Variants in MS4A4A observed in about 807,000 individuals in gnomAD.
The protein encoded by MS4A4A is membrane-spanning 4-domains subfamily A member 4A.
MS4A4A carries 26 observed loss-of-function variants against 28.0 expected under a neutral mutation model. The observed-to-expected ratio is 0.93, with a 90% CI of 0.68 to 1.29. The LOEUF (loss-of-function observed/expected upper bound fraction) is 1.29, where lower values mean the gene tolerates loss of function less well. Ranked by LOEUF, MS4A4A falls within the 50% of genes most tolerant of loss-of-function variation. The probability of loss-of-function intolerance (pLI) is 0.00; values close to 1 mark genes in which losing one functional copy is unlikely to be tolerated. For missense variants in MS4A4A, 290 were observed against 293.1 expected, an observed-to-expected ratio of 0.99 and a Z score of 0.08; for synonymous variants, 86 against 100.8, an observed-to-expected ratio of 0.85 and a Z score of 0.88.
chr11:60,305,031 C>T (rs1335270888), intron 5 of MS4A4A, among the ~76,000 whole-genome samples: 2 of 152,200 alleles, frequency 1.3e-5, no homozygotes, highest in African/African-American at 2.4e-5. Flanking sequence ...ATTGGCTCTT[C>T]TGCAACAGAG....
Position 60,301,014 on chromosome 11 carries a change from G to T in MS4A4A, c.344G>T (p.Gly115Val). 4 of 1,604,408 alleles carry T rather than the reference G, an allele frequency of 2.5e-6. No homozygotes were observed. The highest frequency in any genetic ancestry group is 3.4e-6 in the Non-Finnish European group (4 of 1,176,812). The change falls in exon 4 of 7, where the codon GGA becomes GTA. Residue 115 changes from glycine to valine, a missense_variant. Physicochemically the swap from Gly to Val is moderately radical, Grantham distance 109. Transcript: ENST00000337908. Reference protein sequence around the residue: ...IWGSVMFIISGSLSIAAGIRT... With the variant: ...IWGSVMFIISVSLSIAAGIRT... ...TCTCATTTTTAGTTTATTATTTCAG[G>T]ATCCTTGTCAATTGCAGCAGGAATT...
chr11:60,299,999 G>T (rs1339648937), intron 3 of MS4A4A, among the ~76,000 whole-genome samples: 1 of 152,014 alleles, frequency 6.6e-6, no homozygotes, highest in Non-Finnish European at 1.5e-5. Flanking sequence ...TCCCTCTAGT[G>T]GTTTTATTCC....
In MS4A4A at chr11:60,301,063, T is replaced by C. The variant is rs763846897; in HGVS notation, c.387+6T>C. 1 of 1,579,876 alleles carries C rather than the reference T, an allele frequency of 6.3e-7. No homozygotes were observed. Among genetic ancestry groups the C allele is most frequent in the South Asian group, 1.2e-5 (1 of 85,548 alleles). The stretch of plus-strand genomic sequence containing the variant: ...TTAGAACTACAAAAGGCCTGGTGAG[T>C]AATATTTTCTTTTTTTGGTATCAAA... On this transcript the variant is annotated splice_donor_region_variant and intron_variant, in intron 4 of 6. Coordinates refer to ENST00000337908, the MANE Select transcript of MS4A4A (RefSeq NM_148975.3).
intron 3 of MS4A4A, among the ~76,000 whole-genome samples, chr11:60,300,460 C>T (rs1242654993): frequency 1.3e-5 from 2 of 151,692 alleles, no homozygotes; most frequent in Admixed American, 6.6e-5. Context: ...ACTAAAAACA[C>T]AAAAAATTAG....
At chr11:60,307,471 A>G (rs1430869253) in intron 6 of MS4A4A, among the ~76,000 whole-genome samples, 9 of 152,210 alleles carry the variant, frequency 5.9e-5, no homozygotes, top group African/African-American at 9.6e-5. Context: ...ACATGGAGGC[A>G]AACTCTTTCG....
intron 3 of MS4A4A, among the ~76,000 whole-genome samples, chr11:60,298,075 T>C (rs575172737): frequency 2.0e-3 from 302 of 150,972 alleles, no homozygotes; most frequent in African/African-American, 7.1e-3. Flanking sequence ...TTATTAATAT[T>C]ACATTAAAAT....
At chr11:60,290,426 C>T (rs986154802) in intron 1 of MS4A4A, among the ~76,000 whole-genome samples, 1 of 151,992 alleles carries the variant, frequency 6.6e-6, no homozygotes, top group Admixed American at 6.6e-5. Context: ...TTGTTTCCCA[C>T]TTTCATAAAA....
intron 2 of MS4A4A, among the ~76,000 whole-genome samples, 190 bp downstream of exon 2, chr11:60,292,574 A>G (rs2084867018): frequency 6.6e-6 from 1 of 152,248 alleles, no homozygotes; most frequent in Non-Finnish European, 1.5e-5. Context: ...CAGTTGAGTT[A>G]TATTTAAAAT....
chr11:60,304,518 A>T (rs535520634), intron 5 of MS4A4A, among the ~76,000 whole-genome samples: 1 of 152,236 alleles, frequency 6.6e-6, no homozygotes, highest in South Asian at 2.1e-4. Flanking sequence ...GGACCTCCAT[A>T]AGGGCTTCCT....
At chr11:60,284,693 T>C (rs990323831) in intron 1 of MS4A4A, among the ~76,000 whole-genome samples, 4 of 152,046 alleles carry the variant, frequency 2.6e-5, no homozygotes, top group African/African-American at 9.7e-5. Context: ...GATAATGGAG[T>C]TTATGAGGTG....
intron 1 of MS4A4A, 96 bp from the exon 2 acceptor site, chr11:60,292,129 A>G: frequency 7.2e-7 from 1 of 1,384,140 alleles, no homozygotes. Flanking sequence ...GAGAATGTAG[A>G]CCAGATTCTG....
chr11:60,308,863 T>C lies in MS4A4A; in HGVS notation c.*685T>C, dbSNP rs1266558174. 6.6e-6 allele frequency: 1 copy of C among 152,240 alleles called. No homozygotes were observed. The highest frequency in any genetic ancestry group is 1.5e-5 in the Non-Finnish European group (1 of 68,052). The allele number at this position is 152,240 out of a possible 1,614,324, so 9.4% of individuals were successfully genotyped here. A position where few individuals can be genotyped will look rare whatever the true frequency, so the allele number is the denominator to read the frequency against. ...TCTTCCTTTCCCTTCTCCCACCTTCTACTGGGCATAATTATATCTTAATCA... is the reference window on the plus strand; with the variant it reads ...TCTTCCTTTCCCTTCTCCCACCTTCCACTGGGCATAATTATATCTTAATCA... On this transcript the variant is annotated 3_prime_UTR_variant, in exon 7 of 7. Transcript: ENST00000337908.
intron 1 of MS4A4A, among the ~76,000 whole-genome samples, chr11:60,282,432 C>G (rs7104122): frequency 0.96 from 146,073 of 152,316 alleles, 70,260 homozygotes; most frequent in Non-Finnish European, 1. Context: ...GAACATAACA[C>G]ATTTCTTAAA....
At chr11:60,287,714 A>C (rs2084815354) in intron 1 of MS4A4A, among the ~76,000 whole-genome samples, 3 of 152,206 alleles carry the variant, frequency 2.0e-5, no homozygotes, top group Admixed American at 1.3e-4. Flanking sequence ...GGTATGATTT[A>C]TCTGGAGGCA....
intron 1 of MS4A4A, among the ~76,000 whole-genome samples, chr11:60,291,545 ATTCCAGCACT>A (rs2084855628): frequency 6.6e-6 from 1 of 152,136 alleles, no homozygotes; most frequent in Non-Finnish European, 1.5e-5. Flanking sequence ...CACACCTGTA[ATTCCAGCACT>A]TTGGGAGGCC....
At chr11:60,282,182 G>T (rs1013209373) in intron 1 of MS4A4A, among the ~76,000 whole-genome samples, 1 of 152,148 alleles carries the variant, frequency 6.6e-6, no homozygotes, top group Non-Finnish European at 1.5e-5. Context: ...TGATATAATT[G>T]CTCTGCCCTC....
chr11:60,296,891 A>AG, intron 2 of MS4A4A: 1 of 309,740 alleles, frequency 3.2e-6, no homozygotes, highest in South Asian at 3.2e-5. Flanking sequence ...TGAGCTCATG[A>AG]GAAAAAAAGA....
At chr11:60,292,964 C>T (rs926052047) in intron 2 of MS4A4A, among the ~76,000 whole-genome samples, 1 of 152,138 alleles carries the variant, frequency 6.6e-6, no homozygotes, top group African/African-American at 2.4e-5. Flanking sequence ...ATCCTTTTTT[C>T]ACATTATTCA....
Position 60,303,694 on chromosome 11 carries a change from C to T in MS4A4A, c.546+977C>T, listed in dbSNP as rs570841008. On this transcript the variant is annotated intron_variant, in intron 5 of 6. Transcript: ENST00000337908. Reference sequence around the variant, plus strand: ...TTGCACTCCAGCCTGGGCAACAGAGCGAGACTGCATCTCAAAAAAAAGAGA... The same window carrying T: ...TTGCACTCCAGCCTGGGCAACAGAGTGAGACTGCATCTCAAAAAAAAGAGA... Among the ~76,000 whole-genome samples, 7 of 152,098 alleles carry T rather than the reference C, an allele frequency of 4.6e-5. No individual in the cohort carries two copies. The South Asian group carries it at 1.2e-3, about 27-fold the overall frequency.
Sources: allele counts gnomAD v4.1 joint callset (sites outside exome capture counted in the v4.1 genomes callset), GRCh38; gene constraint gnomAD v4.1.1; transcripts MANE v1.5; gene names NCBI Gene and HGNC (gene_info 2026-07-23, HGNC 2026-07-21).